Variants in VWA3B observed in about 807,000 individuals in gnomAD.
The protein encoded by VWA3B is von Willebrand factor A domain containing 3B, also known as von Willebrand factor A domain-containing protein 3B.
A neutral mutation model predicts 158.3 loss-of-function variants in VWA3B; 138 were observed. That is an observed-to-expected ratio of 0.87 (90% CI 0.76 to 1.00). The LOEUF (loss-of-function observed/expected upper bound fraction) is 1.00. Among genes scored for constraint, VWA3B ranks in the 50% least tolerant of loss-of-function variants. The pLI is 0.00. For synonymous variants in VWA3B, 596 were observed against 587.3 expected, an observed-to-expected ratio of 1.01 and a Z score of -0.21; for missense variants, 1,555 against 1,565.1, an observed-to-expected ratio of 0.99 and a Z score of 0.11.
chr2:98,103,401 CT>C (rs758064086), intron 2 of VWA3B, among the ~76,000 whole-genome samples: 162 of 152,102 alleles, frequency 1.1e-3, no homozygotes, highest in Non-Finnish European at 3.1e-4. Flanking sequence ...AACCTTTCTT[CT>C]TTTCTAATAT....
chr2:98,299,344 A>G (rs143517910), intron 24 of VWA3B, among the ~76,000 whole-genome samples: 109 of 152,292 alleles, frequency 7.2e-4, no homozygotes, highest in African/African-American at 2.2e-3. Flanking sequence ...TCACAAACTC[A>G]TAAAAGCTGT....
intron 7 of VWA3B, among the ~76,000 whole-genome samples, chr2:98,140,156 G>A (rs1676655967): frequency 6.6e-6 from 1 of 152,166 alleles, no homozygotes. Flanking sequence ...AACTCCAGAT[G>A]CTCCACCTTA....
intron 25 of VWA3B, among the ~76,000 whole-genome samples, chr2:98,300,718 G>A (rs62155301): frequency 0.039 from 5,925 of 152,022 alleles, 168 homozygotes; most frequent in Middle Eastern, 0.075. Flanking sequence ...TGCCAGCCCC[G>A]CTCCTGCCCT....
chr2:98,211,788 G>T (rs959345513), intron 12 of VWA3B, 142 bp from the exon 13 acceptor site: 17 of 709,408 alleles, frequency 2.4e-5, no homozygotes, highest in Non-Finnish European at 3.5e-5. Flanking sequence ...AATCACTGGG[G>T]TTAAACTATT....
chr2:98,326,168 C>T, the VWA3B span, among the ~76,000 whole-genome samples: 1 of 151,988 alleles, frequency 6.6e-6, no homozygotes, highest in Admixed American at 6.6e-5. Flanking sequence ...CATAGATAAA[C>T]CTCTAATTAG....
At chr2:98,203,119 C>G (rs1243765360) in intron 12 of VWA3B, among the ~76,000 whole-genome samples, 1 of 152,230 alleles carries the variant, frequency 6.6e-6, no homozygotes, top group African/African-American at 2.4e-5. Context: ...GCGTGAGCCA[C>G]CACACCCGGC....
intron 12 of VWA3B, 115 bp downstream of exon 12, chr2:98,194,607 G>A: frequency 7.5e-7 from 1 of 1,328,222 alleles, no homozygotes; most frequent in Non-Finnish European, 1.0e-6. Context: ...GATGGAAGTG[G>A]CTTAACATGT....
At chr2:98,110,466 T>C (rs886885196) in intron 2 of VWA3B, among the ~76,000 whole-genome samples, 5 of 152,220 alleles carry the variant, frequency 3.3e-5, no homozygotes, top group South Asian at 2.1e-4. Context: ...TTAAAATCCT[T>C]GTTAGGTCAT....
Position 98,290,626 on chromosome 2 carries a change from G to C in VWA3B, c.3157+4G>C. On this transcript the variant is annotated splice_donor_region_variant and intron_variant, in intron 23 of 27. Transcript: ENST00000477737. ...GAAAATGGCTTTTATTTTCCAGGTA[G>C]TTTTTTTTTTTTTAATTTCGTGAGG... 7.5e-7 allele frequency: 1 copy of C among 1,339,130 alleles called. No individual in the cohort carries two copies. The allele number at this position is 1,339,130 out of a possible 1,614,324, so 83.0% of individuals were successfully genotyped here.
At chr2:98,107,308 A>C (rs548860612) in intron 2 of VWA3B, among the ~76,000 whole-genome samples, 1 of 152,146 alleles carries the variant, frequency 6.6e-6, no homozygotes, top group South Asian at 2.1e-4. Flanking sequence ...TTTTTTAAAT[A>C]ATGGTTTTGT....
chr2:98,320,977 G>GA, the VWA3B span, among the ~76,000 whole-genome samples: 1 of 152,168 alleles, frequency 6.6e-6, no homozygotes, highest in African/African-American at 2.4e-5. Flanking sequence ...GCGTAGGACG[G>GA]AAAAAATGGT....
chr2:98,166,907 T>C (rs576654734), intron 8 of VWA3B, among the ~76,000 whole-genome samples: 1 of 152,038 alleles, frequency 6.6e-6, no homozygotes, highest in East Asian at 1.9e-4. Flanking sequence ...AAAAGGAAAG[T>C]TTGGCTGGGA....
intron 12 of VWA3B, among the ~76,000 whole-genome samples, chr2:98,204,957 A>G (rs2105498221): frequency 6.6e-6 from 1 of 152,266 alleles, no homozygotes; most frequent in East Asian, 1.9e-4. Flanking sequence ...CTTAACATAC[A>G]AAAACTAGCC....
At chr2:98,180,454 A>C (rs1300043256) in intron 8 of VWA3B, among the ~76,000 whole-genome samples, 1 of 152,234 alleles carries the variant, frequency 6.6e-6, no homozygotes, top group Non-Finnish European at 1.5e-5. Flanking sequence ...GGCCTCCCAA[A>C]GTGTTGGGAT....
At chr2:98,193,090 T>C in intron 11 of VWA3B, 54 bp downstream of exon 11, 1 of 1,559,416 alleles carries the variant, frequency 6.4e-7, no homozygotes. Context: ...CAGATGGTTA[T>C]GAGCAGTGGA....
At chr2:98,213,781 C>T (rs552853915) in intron 13 of VWA3B, among the ~76,000 whole-genome samples, 15 of 152,106 alleles carry the variant, frequency 9.9e-5, no homozygotes, top group Middle Eastern at 3.4e-3. Context: ...CTGAAGATTC[C>T]GACTTGAGAG....
At chr2:98,276,294 C>T (rs149277984) in intron 22 of VWA3B, among the ~76,000 whole-genome samples, 6 of 152,292 alleles carry the variant, frequency 3.9e-5, no homozygotes, top group Non-Finnish European at 8.8e-5. Flanking sequence ...CCCGCAGATT[C>T]GATTTTGTGA....
intron 2 of VWA3B, among the ~76,000 whole-genome samples, chr2:98,102,242 G>A (rs1283206949): frequency 6.6e-6 from 1 of 152,204 alleles, no homozygotes; most frequent in Non-Finnish European, 1.5e-5. Context: ...TCTTAATACA[G>A]AACAAAATGG....
chr2:98,228,126 A>G (rs922469559), intron 14 of VWA3B, 76 bp from the exon 15 acceptor site: 78 of 1,478,060 alleles, frequency 5.3e-5, no homozygotes, highest in Non-Finnish European at 6.8e-5. Flanking sequence ...CTTGTCTCTA[A>G]AAAGAAAAGA....
Sources: gnomAD v4.1 joint callset for allele counts (sites outside exome capture counted in the v4.1 genomes callset) on GRCh38, gnomAD v4.1.1 for gene constraint, MANE v1.5 for transcripts, NCBI Gene and HGNC (gene_info 2026-07-23, HGNC 2026-07-21) for gene names.